PAX3: variants seen among roughly 807,000 people sequenced by gnomAD.
The protein encoded by PAX3 is paired box 3.
Under a neutral mutation model 51.6 loss-of-function variants are expected in PAX3, and 14 were observed. The observed-to-expected ratio is 0.27, with a 90% CI of 0.18 to 0.42. The LOEUF (loss-of-function observed/expected upper bound fraction) is 0.42. PAX3 is among the 10% of genes least tolerant of loss of function. The probability of loss-of-function intolerance (pLI) is 1.00; values close to 1 mark genes in which losing one functional copy is unlikely to be tolerated. For synonymous variants in PAX3, 280 were observed against 253.4 expected (o/e 1.11, Z -1.00); for missense variants, 540 against 642.8 (o/e 0.84, Z 1.73).
intron 4 of PAX3, chr2:222,264,154 C>T (rs1280565895): frequency 3.3e-5 from 5 of 152,066 alleles, no homozygotes; most frequent in South Asian, 2.1e-4. Context: ...AACTGTCCAT[C>T]GTAGAAGAAT....
chr2:222,233,133 A>G (rs1692668521), intron 4 of PAX3: 1 of 148,784 alleles, frequency 6.7e-6, no homozygotes, highest in African/African-American at 2.5e-5. Context: ...GTAAAAAAAT[A>G]TTATGAGTTT....
chr2:222,294,758 G>GCCCCCCCCCCCCCCCCCC (rs368069047), intron 3 of PAX3, among the ~76,000 whole-genome samples: 2 of 87,096 alleles, frequency 2.3e-5, no homozygotes, highest in Non-Finnish European at 4.5e-5. Context: ...ACTTGTCCGC[G>GCCCCCCCCCCCCCCCCCC]CCCCCCCCCA....
chr2:222,287,785 G>A (rs1042978005), intron 4 of PAX3, among the ~76,000 whole-genome samples: 1 of 152,154 alleles, frequency 6.6e-6, no homozygotes, highest in Admixed American at 6.5e-5. Context: ...GATTATAATA[G>A]AAAATATTAG....
At chr2:222,238,646 T>G (rs1160074710) in intron 4 of PAX3, among the ~76,000 whole-genome samples, 1 of 152,186 alleles carries the variant, frequency 6.6e-6, no homozygotes, top group Non-Finnish European at 1.5e-5. Flanking sequence ...TCATAATTTA[T>G]TTACTATAAG....
At chr2:222,267,901 A>AT (rs1559297719) in intron 4 of PAX3, among the ~76,000 whole-genome samples, 2 of 152,198 alleles carry the variant, frequency 1.3e-5, no homozygotes, top group African/African-American at 4.8e-5. Flanking sequence ...GCAAATTGGA[A>AT]TTTTTTAAGA....
chr2:222,288,916 T>C (rs1056502658), intron 4 of PAX3, among the ~76,000 whole-genome samples: 1 of 152,230 alleles, frequency 6.6e-6, no homozygotes, highest in Admixed American at 6.5e-5. Context: ...CCCCTCACAA[T>C]GGAAGATGAC....
intron 7 of PAX3, among the ~76,000 whole-genome samples, chr2:222,209,798 A>G (rs895211307): frequency 6.7e-6 from 1 of 149,172 alleles, no homozygotes; most frequent in Non-Finnish European, 1.5e-5. Flanking sequence ...GGCTAAGGTA[A>G]GAGAATCACC....
chr2:222,202,490 A>G (rs1691337432), intron 7 of PAX3, among the ~76,000 whole-genome samples: 1 of 152,128 alleles, frequency 6.6e-6, no homozygotes, highest in South Asian at 2.1e-4. Context: ...CCCTAGTGAT[A>G]AAATCAGACT....
chr2:222,294,769 C>CA (rs1695201273), intron 3 of PAX3, among the ~76,000 whole-genome samples: 1 of 117,408 alleles, frequency 8.5e-6, no homozygotes, highest in African/African-American at 3.1e-5. Context: ...CCCCCCCCCA[C>CA]CCCCCCGTAA....
Position 222,298,941 on chromosome 2 carries a change from G to A in PAX3, c.-326C>T, listed in dbSNP as rs541254322. The A allele has an allele frequency of 8.3e-6, 4 of 480,680 alleles. No individual in the cohort carries two copies. Among genetic ancestry groups the A allele is most frequent in the Non-Finnish European group, 1.5e-5 (4 of 263,858 alleles). The allele number at this position is 480,680 out of a possible 1,614,324, so 29.8% of individuals were successfully genotyped here. ...TCAGAGAGCCACGGCGAGCCGGGGA[G>A]CCTGGTGAGGCTGGAGCGCGGCCTG... On this transcript the variant is annotated 5_prime_UTR_variant, in exon 1 of 9. Transcript: ENST00000392070.
At chr2:222,264,382 G>A (rs1693969286) in intron 4 of PAX3, 1 of 152,212 alleles carries the variant, frequency 6.6e-6, no homozygotes, top group Non-Finnish European at 1.5e-5. Context: ...TGATTGCCAG[G>A]AGACGGATGG....
At chr2:222,288,715 A>G (rs897958272) in intron 4 of PAX3, among the ~76,000 whole-genome samples, 8 of 152,262 alleles carry the variant, frequency 5.3e-5, no homozygotes, top group Non-Finnish European at 1.2e-4. Context: ...AGTTCTAAGT[A>G]AGAAATCACG....
chr2:222,224,478 G>C (rs375680889), intron 5 of PAX3, among the ~76,000 whole-genome samples: 14 of 152,098 alleles, frequency 9.2e-5, no homozygotes, highest in Admixed American at 2.0e-4. Flanking sequence ...GCCAAAAGAA[G>C]TATTAAAGGA....
rs45464498 is a variant in PAX3 at position 222,285,825 on chromosome 2, C to G, written c.586+8342G>C. On this transcript the variant is annotated intron_variant, in intron 4 of 8. Transcript: ENST00000392070. ...GATAAAACTATACTACTTAAATTATCCATATGATCCTGTAAATTTTTAAAT... is the reference window on the plus strand; with the variant it reads ...GATAAAACTATACTACTTAAATTATGCATATGATCCTGTAAATTTTTAAAT... Among the ~76,000 whole-genome samples, 209 of 152,296 alleles carry G rather than the reference C, an allele frequency of 1.4e-3. 3 individuals carry two copies. The highest frequency in any genetic ancestry group is 0.012 in the Admixed American group (190 of 15,300).
chr2:222,294,799 C>T (rs1695204263), intron 3 of PAX3, among the ~76,000 whole-genome samples: 1 of 105,710 alleles, frequency 9.5e-6, no homozygotes, highest in Non-Finnish European at 1.9e-5. Context: ...CTTTTTTTTC[C>T]TTTCTTCCCT....
At chr2:222,240,277 A>G (rs914571462) in intron 4 of PAX3, among the ~76,000 whole-genome samples, 1 of 152,130 alleles carries the variant, frequency 6.6e-6, no homozygotes, top group African/African-American at 2.4e-5. Flanking sequence ...ATAAGGGCTG[A>G]CAAGCAGAGG....
At chr2:222,278,672 C>T (rs1440913250) in intron 4 of PAX3, among the ~76,000 whole-genome samples, 1 of 152,186 alleles carries the variant, frequency 6.6e-6, no homozygotes, top group South Asian at 2.1e-4. Flanking sequence ...GAATTGTGCC[C>T]TAGCAGGTCC....
chr2:222,276,765 G>A (rs1013039046), intron 4 of PAX3, among the ~76,000 whole-genome samples: 1 of 152,170 alleles, frequency 6.6e-6, no homozygotes, highest in African/African-American at 2.4e-5. Flanking sequence ...CCAATTAAGG[G>A]TTTTGCCCAC....
intron 8 of PAX3, 122 bp from the exon 9 acceptor site, chr2:222,201,564 A>G: frequency 1.4e-6 from 2 of 1,414,802 alleles, no homozygotes; most frequent in South Asian, 1.2e-5. Flanking sequence ...TGAGACTAAT[A>G]TTTTTATTCC....
Sources: allele counts gnomAD v4.1 joint callset (sites outside exome capture counted in the v4.1 genomes callset), GRCh38; gene constraint gnomAD v4.1.1; transcripts MANE v1.5; gene names NCBI Gene and HGNC (gene_info 2026-07-23, HGNC 2026-07-21).